The following SCML4 variants were observed in gnomAD, a reference collection of about 807,000 sequenced individuals.
The protein encoded by SCML4 is Scm polycomb group protein like 4, also known as sex comb on midleg-like protein 4.
SCML4 carries 34 observed loss-of-function variants against 41.1 expected under a neutral mutation model. The observed-to-expected ratio is 0.83, with a 90% CI of 0.63 to 1.10. The LOEUF (loss-of-function observed/expected upper bound fraction) is 1.10. Among genes scored for constraint, SCML4 ranks in the 50% least tolerant of loss-of-function variants. The probability of loss-of-function intolerance (pLI) is 0.00; values close to 1 mark genes in which losing one functional copy is unlikely to be tolerated. For synonymous variants in SCML4, 214 were observed against 220.9 expected, an observed-to-expected ratio of 0.97 and a Z score of 0.28; for missense variants, 522 against 534.1, an observed-to-expected ratio of 0.98 and a Z score of 0.22.
intron 1 of SCML4, among the ~76,000 whole-genome samples, chr6:107,804,366 C>A (rs964066785): frequency 1.3e-5 from 2 of 152,134 alleles, no homozygotes; most frequent in Admixed American, 6.5e-5. Context: ...CAAGGCCAGG[C>A]CCCCTTGGGA....
intron 5 of SCML4, chr6:107,739,937 C>A (rs952065612): frequency 7.2e-5 from 26 of 360,326 alleles, no homozygotes; most frequent in Middle Eastern, 2.0e-3. Context: ...TTCCCCAAGG[C>A]TCCCTGACAA....
At chr6:107,741,653 C>T (rs1226120685) in intron 5 of SCML4, among the ~76,000 whole-genome samples, 1 of 152,200 alleles carries the variant, frequency 6.6e-6, no homozygotes, top group Non-Finnish European at 1.5e-5. Flanking sequence ...GCCAGCCTTC[C>T]CACACTGCTG....
At chr6:107,829,639 G>A in the SCML4 span, among the ~76,000 whole-genome samples, 7 of 152,026 alleles carry the variant, frequency 4.6e-5, no homozygotes, top group Non-Finnish European at 8.8e-5. Flanking sequence ...TAATGCGTGC[G>A]GGGCTTAAAA....
Position 107,752,615 on chromosome 6 carries a change from A to G in SCML4, c.157-2802T>C, listed in dbSNP as rs79855546. On this transcript the variant is annotated intron_variant, in intron 2 of 7. Coordinates refer to ENST00000369020, the MANE Select transcript of SCML4 (RefSeq NM_198081.5). ...GGGTGGGAGTGTGGGAGTGAATGGAAAGGTTCTTTCAAGGAGGAGATAGTG... is the reference window on the plus strand; with the variant it reads ...GGGTGGGAGTGTGGGAGTGAATGGAGAGGTTCTTTCAAGGAGGAGATAGTG... Among the ~76,000 whole-genome samples the G allele has an allele frequency of 5.1e-3, 783 of 152,200 alleles. 11 individuals are homozygous for G. The East Asian group carries it at 0.064, about 12-fold the overall frequency.
At chr6:107,731,134 C>A (rs766086988) in intron 5 of SCML4, among the ~76,000 whole-genome samples, 9 of 152,106 alleles carry the variant, frequency 5.9e-5, no homozygotes, top group Non-Finnish European at 1.0e-4. Context: ...GAGAAAGCCA[C>A]GAGCCAGAGA....
chr6:107,708,576 A>C (rs1194079809), intron 6 of SCML4, among the ~76,000 whole-genome samples: 3 of 152,080 alleles, frequency 2.0e-5, no homozygotes, highest in Non-Finnish European at 2.9e-5. Flanking sequence ...GCATCTTCAG[A>C]GCCATCCCTG....
intron 5 of SCML4, among the ~76,000 whole-genome samples, chr6:107,739,510 C>A (rs968456853): frequency 3.9e-5 from 6 of 152,054 alleles, no homozygotes; most frequent in Non-Finnish European, 5.9e-5. Context: ...TGCATGGCAC[C>A]AATCCTGGAA....
intron 2 of SCML4, among the ~76,000 whole-genome samples, chr6:107,761,400 C>A (rs930199177): frequency 6.6e-6 from 1 of 151,308 alleles, no homozygotes; most frequent in Non-Finnish European, 1.5e-5. Flanking sequence ...TAGTTGAATT[C>A]TCTGCAACAA....
chr6:107,746,747 G>A lies in SCML4; in HGVS notation c.429C>T (p.His143=). The A allele has an allele frequency of 1.9e-6, 3 of 1,614,188 alleles. No homozygotes were observed. Among genetic ancestry groups the A allele is most frequent in the South Asian group, 1.1e-5 (1 of 91,082 alleles). Residue 143 remains histidine, a synonymous_variant, in exon 4 of 8, where the codon CAC becomes CAT. Transcript: ENST00000369020. The part of the protein sequence containing the change: ...QAVQACIDCA[H]QQKLVFSLVK... ...CCAGGGAGAAGACCAGCTTCTGCTGGTGGGCGCAGTCGATGCAGGCTTGGA... is the reference window on the plus strand; with the variant it reads ...CCAGGGAGAAGACCAGCTTCTGCTGATGGGCGCAGTCGATGCAGGCTTGGA...
At chr6:107,721,786 A>G (rs1356841742) in intron 5 of SCML4, among the ~76,000 whole-genome samples, 2 of 152,088 alleles carry the variant, frequency 1.3e-5, no homozygotes, top group East Asian at 3.9e-4. Context: ...TCCTGATACA[A>G]ACACATGAGG....
At chr6:107,731,752 A>C (rs942290883) in intron 5 of SCML4, among the ~76,000 whole-genome samples, 17 of 152,232 alleles carry the variant, frequency 1.1e-4, no homozygotes, top group Non-Finnish European at 2.1e-4. Context: ...CCTAGCCCTG[A>C]AACCCAGATT....
intron 2 of SCML4, among the ~76,000 whole-genome samples, chr6:107,761,818 T>C (rs76507853): frequency 5.3e-5 from 8 of 151,900 alleles, no homozygotes; most frequent in Non-Finnish European, 1.2e-4. Context: ...CTTTTTTTTT[T>C]TCAAAAGTGA....
At chr6:107,717,133 A>G (rs890534184) in intron 6 of SCML4, among the ~76,000 whole-genome samples, 16 of 109,626 alleles carry the variant, frequency 1.5e-4, no homozygotes, top group Non-Finnish European at 1.6e-4. Context: ...CCCCGTCTCT[A>G]CTAAAAATAC....
chr6:107,834,681 C>T, the SCML4 span, among the ~76,000 whole-genome samples: 1 of 152,214 alleles, frequency 6.6e-6, no homozygotes. Flanking sequence ...CACAGTGGCT[C>T]ACACCTGTAA....
chr6:107,808,641 A>G (rs1260710169), intron 1 of SCML4, among the ~76,000 whole-genome samples: 1 of 152,190 alleles, frequency 6.6e-6, no homozygotes, highest in Non-Finnish European at 1.5e-5. Context: ...ACTCCAGGAC[A>G]TGGGAAGAGA....
At chr6:107,787,159 C>T (rs57950462) in intron 1 of SCML4, among the ~76,000 whole-genome samples, 4,249 of 152,232 alleles carry the variant, frequency 0.028, 215 homozygotes, top group African/African-American at 0.097. Flanking sequence ...CTCCATGTCT[C>T]TATAGGATAT....
intron 1 of SCML4, among the ~76,000 whole-genome samples, chr6:107,808,041 A>G (rs6940587): frequency 0.93 from 141,812 of 152,176 alleles, 66,786 homozygotes; most frequent in Non-Finnish European, 1. Context: ...GCTTGATATT[A>G]GGAATTGAGT....
chr6:107,813,423 T>TATATAA (rs1784347006), intron 1 of SCML4, among the ~76,000 whole-genome samples: 1 of 10,444 alleles, frequency 9.6e-5, no homozygotes, highest in Non-Finnish European at 2.5e-4. Context: ...TATATATATA[T>TATATAA]AAAACTGTAA....
At chr6:107,745,164 C>A in intron 4 of SCML4, 21 bp from the exon 5 acceptor site, 1 of 1,526,444 alleles carries the variant, frequency 6.6e-7, no homozygotes, top group South Asian at 1.2e-5. Context: ...AGAGAGATGT[C>A]AGCTTAGAGC....
Sources: allele counts gnomAD v4.1 joint callset (sites outside exome capture counted in the v4.1 genomes callset), GRCh38; gene constraint gnomAD v4.1.1; transcripts MANE v1.5; gene names NCBI Gene and HGNC (gene_info 2026-07-23, HGNC 2026-07-21).